The following FBXO25 variants were observed in gnomAD, a reference collection of about 807,000 sequenced individuals.
The protein encoded by FBXO25 is F-box protein 25.
In FBXO25, 45 loss-of-function variants were observed where a neutral mutation model predicts 51.9. The observed-to-expected ratio is 0.87, with a 90% CI of 0.68 to 1.11. The LOEUF (loss-of-function observed/expected upper bound fraction) is 1.11. FBXO25 is among the 50% of genes most tolerant of loss of function. The pLI is 0.00. For synonymous variants in FBXO25, 199 were observed against 151.0 expected (o/e 1.32, Z -2.33); for missense variants, 507 against 428.5 (o/e 1.18, Z -1.62).
chr8:453,254 C>A (rs1185820956), intron 7 of FBXO25, among the ~76,000 whole-genome samples: 1 of 152,216 alleles, frequency 6.6e-6, no homozygotes, highest in African/African-American at 2.4e-5. Flanking sequence ...CCACTCAAAT[C>A]TTACCATCAG....
intron 2 of FBXO25, among the ~76,000 whole-genome samples, chr8:427,001 T>G (rs1271972387): frequency 6.6e-6 from 1 of 152,152 alleles, no homozygotes; most frequent in East Asian, 1.9e-4. Flanking sequence ...CTTTTTATAA[T>G]TAGAGACTAA....
intron 5 of FBXO25, among the ~76,000 whole-genome samples, chr8:448,014 A>C (rs73669383): frequency 0.045 from 6,895 of 152,234 alleles, 261 homozygotes; most frequent in African/African-American, 0.098. Context: ...TGGGAAACAC[A>C]AAAAAGGTGA....
In FBXO25 at chr8:476,067, T is replaced by C. The variant is rs925581483; in HGVS notation, c.*7263T>C. 3 of 152,188 alleles carry C rather than the reference T, an allele frequency of 2.0e-5. No individual in the cohort carries two copies. The highest frequency in any genetic ancestry group is 2.0e-4 in the Admixed American group (3 of 15,282). 9.4% of individuals were successfully genotyped at this position (152,188 alleles called of 1,614,324 possible). ...TTCCTTCTATTCCCAATTGTTGAGT[T>C]TTTATCATGAAAGGGCATGACATTG... On this transcript the variant is annotated 3_prime_UTR_variant, in exon 10 of 10. Coordinates refer to ENST00000350302, the MANE Select transcript of FBXO25 (RefSeq NM_183420.2).
chr8:455,465 G>T (rs1035158183), intron 7 of FBXO25, among the ~76,000 whole-genome samples: 2 of 152,214 alleles, frequency 1.3e-5, no homozygotes, highest in African/African-American at 4.8e-5. Flanking sequence ...TTGAGGGGAT[G>T]GGCCTCCCAT....
chr8:425,642 C>G (rs1465169211), intron 2 of FBXO25, among the ~76,000 whole-genome samples: 1 of 151,518 alleles, frequency 6.6e-6, no homozygotes, highest in African/African-American at 2.4e-5. Context: ...GTATTTAATG[C>G]TATAAAGTTG....
At chr8:430,244 A>G (rs1797743310) in intron 2 of FBXO25, among the ~76,000 whole-genome samples, 1 of 152,254 alleles carries the variant, frequency 6.6e-6, no homozygotes, top group African/African-American at 2.4e-5. Flanking sequence ...ATCAATGATA[A>G]CAAACTGGTG....
At chr8:427,600 G>T (rs1034645720) in intron 2 of FBXO25, among the ~76,000 whole-genome samples, 1 of 148,534 alleles carries the variant, frequency 6.7e-6, no homozygotes, top group Non-Finnish European at 1.5e-5. Flanking sequence ...AATTCTGGAG[G>T]CCAGAAATCC....
chr8:434,976 G>T (rs1229614020), intron 4 of FBXO25, among the ~76,000 whole-genome samples: 1 of 152,128 alleles, frequency 6.6e-6, no homozygotes, highest in African/African-American at 2.4e-5. Context: ...CCTGAAAGCT[G>T]CCCGTGGTCA....
chr8:464,929 C>G (rs983033783), intron 9 of FBXO25, among the ~76,000 whole-genome samples: 1 of 152,180 alleles, frequency 6.6e-6, no homozygotes, highest in African/African-American at 2.4e-5. Flanking sequence ...TATTATCCCT[C>G]AAGAGCAGGG....
chr8:441,229 G>C (rs1298861857), intron 5 of FBXO25, among the ~76,000 whole-genome samples: 1 of 152,142 alleles, frequency 6.6e-6, no homozygotes, highest in Non-Finnish European at 1.5e-5. Flanking sequence ...ACAACCATCT[G>C]ATCTTTCACA....
chr8:468,909 C>A lies in FBXO25; in HGVS notation c.*105C>A. On this transcript the variant is annotated 3_prime_UTR_variant, in exon 10 of 10. Transcript: ENST00000350302. ...GGTGGAGACTCCTCGGAAGCCCCTG[C>A]TTCCAGAAAGCCTGGGAAGAACTGC... is the stretch of plus-strand genomic sequence containing the variant. The A allele has an allele frequency of 1.9e-6, 2 of 1,058,804 alleles. No homozygotes were observed. The highest frequency in any genetic ancestry group is 1.3e-6 in the Non-Finnish European group (1 of 750,806). 65.6% of individuals were successfully genotyped at this position (1,058,804 alleles called of 1,614,324 possible). A position where few individuals can be genotyped will look rare whatever the true frequency, so the allele number is the denominator to read the frequency against.
rs562218153 is a variant in FBXO25 at position 473,803 on chromosome 8, C to A, written c.*4999C>A. On this transcript the variant is annotated 3_prime_UTR_variant, in exon 10 of 10. Transcript: ENST00000350302. The stretch of plus-strand genomic sequence containing the variant: ...GTGTCAAATAGAAGAGACACCTCAA[C>A]TGTCTCGTTTTTGCATGGAAATTTC... 6.6e-6 allele frequency: 1 copy of A among 152,162 alleles called. No homozygotes were observed. The highest frequency in any genetic ancestry group is 1.5e-5 in the Non-Finnish European group (1 of 68,030). 9.4% of individuals were successfully genotyped at this position (152,162 alleles called of 1,614,324 possible).
At chr8:419,365 A>G (rs1797015352) in intron 2 of FBXO25, among the ~76,000 whole-genome samples, 2 of 152,158 alleles carry the variant, frequency 1.3e-5, no homozygotes, top group Admixed American at 1.3e-4. Flanking sequence ...GCAAAACTCC[A>G]TCTCAAAAAG....
At chr8:468,300 A>G in intron 9 of FBXO25, 1 of 1,016,526 alleles carries the variant, frequency 9.8e-7, no homozygotes, top group African/African-American at 1.7e-5. Flanking sequence ...TGGCGGGTGG[A>G]GGGAACCCTG....
chr8:411,204 A>T (rs1464072230), intron 1 of FBXO25, among the ~76,000 whole-genome samples: 2 of 152,242 alleles, frequency 1.3e-5, no homozygotes, highest in Non-Finnish European at 2.9e-5. Flanking sequence ...CTTTTGCTTG[A>T]GTAATTCAGC....
chr8:462,545 T>C (rs912931265), intron 8 of FBXO25, among the ~76,000 whole-genome samples: 2 of 152,238 alleles, frequency 1.3e-5, no homozygotes, highest in Non-Finnish European at 2.9e-5. Flanking sequence ...TTAACCCAAG[T>C]GAGTTTAATT....
chr8:475,969 C>T lies in FBXO25; in HGVS notation c.*7165C>T, dbSNP rs1379695652. ...AGGGTATTTCTGTGTTGTTCTTGATCTTAAAGTCCTTTCAGTCTTATTGAA... is the reference window on the plus strand; with the variant it reads ...AGGGTATTTCTGTGTTGTTCTTGATTTTAAAGTCCTTTCAGTCTTATTGAA... On this transcript the variant is annotated 3_prime_UTR_variant, in exon 10 of 10. Transcript: ENST00000350302. 6.6e-6 allele frequency: 1 copy of T among 152,096 alleles called. No individual in the cohort carries two copies. Among genetic ancestry groups the T allele is most frequent in the Non-Finnish European group, 1.5e-5 (1 of 67,998 alleles). The allele number at this position is 152,096 out of a possible 1,614,324, so 9.4% of individuals were successfully genotyped here.
intron 9 of FBXO25, chr8:467,825 G>C: frequency 6.2e-7 from 1 of 1,603,780 alleles, no homozygotes. Context: ...ACGTCATCTT[G>C]GCCACTGCCC....
At chr8:437,203 C>A (rs963928257) in intron 5 of FBXO25, among the ~76,000 whole-genome samples, 6 of 152,160 alleles carry the variant, frequency 3.9e-5, no homozygotes, top group Non-Finnish European at 8.8e-5. Context: ...TTCTGTCGGT[C>A]ATTTGTCTAA....
Sources: gnomAD v4.1 joint callset for allele counts (sites outside exome capture counted in the v4.1 genomes callset) on GRCh38, gnomAD v4.1.1 for gene constraint, MANE v1.5 for transcripts, NCBI Gene and HGNC (gene_info 2026-07-23, HGNC 2026-07-21) for gene names.